Variants in TRIM67 observed in about 807,000 individuals in gnomAD.
The protein encoded by TRIM67 is tripartite motif containing 67, also known as tripartite motif-containing protein 67.
Under a neutral mutation model 71.0 loss-of-function variants are expected in TRIM67, and 39 were observed. The observed-to-expected ratio is 0.55, with a 90% CI of 0.43 to 0.72. The LOEUF is 0.72. Ranked by LOEUF, TRIM67 falls within the 30% of genes least tolerant of loss-of-function variation. The pLI is 0.00. For missense variants in TRIM67, 973 were observed against 1,079.2 expected, an observed-to-expected ratio of 0.90 and a Z score of 1.38; for synonymous variants, 481 against 473.9, an observed-to-expected ratio of 1.01 and a Z score of -0.19.
chr1:231,201,629 G>A, intron 5 of TRIM67, 112 bp downstream of exon 5: 3 of 1,344,654 alleles, frequency 2.2e-6, no homozygotes, highest in South Asian at 1.5e-5. Flanking sequence ...GTGTGGCAGG[G>A]TGGGAGAGCA....
chr1:231,169,368 C>CTTTTTTTTT (rs775082418), intron 1 of TRIM67, among the ~76,000 whole-genome samples: 7 of 81,656 alleles, frequency 8.6e-5, no homozygotes, highest in Non-Finnish European at 1.4e-4. Context: ...ATTCTTTTCT[C>CTTTTTTTTT]TTTTTTTTTT....
chr1:231,178,113 T>C (rs1406869), intron 1 of TRIM67, among the ~76,000 whole-genome samples: 79,211 of 151,990 alleles, frequency 0.52, 23,880 homozygotes, highest in African/African-American at 0.83. Context: ...CATGGCTCTC[T>C]CCTCCCTCCT....
chr1:231,164,041 G>T (rs562515626), intron 1 of TRIM67, 28 bp downstream of exon 1: 1 of 1,472,352 alleles, frequency 6.8e-7, no homozygotes, highest in Non-Finnish European at 9.1e-7. Context: ...GGGAGTGCAG[G>T]TGCCAGGGAA....
chr1:231,191,270 G>T (rs975062776), intron 1 of TRIM67, among the ~76,000 whole-genome samples: 1 of 152,178 alleles, frequency 6.6e-6, no homozygotes, highest in African/African-American at 2.4e-5. Context: ...TTGCTGTGTT[G>T]CTTAGGCTAG....
At chr1:231,206,534 A>G (rs1683702788) in intron 6 of TRIM67, 118 bp from the exon 7 acceptor site, 2 of 1,016,032 alleles carry the variant, frequency 2.0e-6, no homozygotes, top group Non-Finnish European at 2.7e-6. Context: ...CTTCCTGAGT[A>G]GCTGGGACTA....
At chr1:231,169,993 C>CTTTTTTTTTTTTTTT (rs369558747) in intron 1 of TRIM67, among the ~76,000 whole-genome samples, 46 of 136,100 alleles carry the variant, frequency 3.4e-4, no homozygotes, top group African/African-American at 9.7e-4. Flanking sequence ...TTCTTTCTCT[C>CTTTTTTTTTTTTTTT]TTTTTTTTTT....
chr1:231,211,379 G>A (rs1558308213), intron 8 of TRIM67, among the ~76,000 whole-genome samples: 1 of 152,024 alleles, frequency 6.6e-6, no homozygotes, highest in African/African-American at 2.4e-5. Flanking sequence ...GATCGGGTAG[G>A]GTAAGCGCTA....
At chr1:231,174,858 T>C (rs1168235983) in intron 1 of TRIM67, among the ~76,000 whole-genome samples, 2 of 152,200 alleles carry the variant, frequency 1.3e-5, no homozygotes, top group Admixed American at 6.5e-5. Context: ...TTGAAACTAA[T>C]AAATGCATAA....
At chr1:231,212,798 C>A (rs566979598) in intron 8 of TRIM67, among the ~76,000 whole-genome samples, 3 of 152,156 alleles carry the variant, frequency 2.0e-5, no homozygotes, top group South Asian at 2.1e-4. Flanking sequence ...CCAAGCCCCC[C>A]CTTGGGAGCA....
intron 1 of TRIM67, among the ~76,000 whole-genome samples, chr1:231,188,447 C>G (rs1056464141): frequency 3.3e-5 from 5 of 152,180 alleles, no homozygotes; most frequent in African/African-American, 9.7e-5. Flanking sequence ...GGACAAGGGT[C>G]CCCTGGAGAA....
chr1:231,207,502 C>T (rs970934537), intron 7 of TRIM67, among the ~76,000 whole-genome samples: 1 of 152,204 alleles, frequency 6.6e-6, no homozygotes, highest in African/African-American at 2.4e-5. Flanking sequence ...GAGTTCTGCT[C>T]CCCCAGGTGT....
chr1:231,165,806 T>G (rs566107138), intron 1 of TRIM67, among the ~76,000 whole-genome samples: 3 of 152,324 alleles, frequency 2.0e-5, no homozygotes, highest in African/African-American at 7.2e-5. Context: ...AAGTACAGAT[T>G]CCAAATCTCA....
At chr1:231,178,419 C>A (rs1195078600) in intron 1 of TRIM67, among the ~76,000 whole-genome samples, 1 of 152,206 alleles carries the variant, frequency 6.6e-6, no homozygotes, top group Non-Finnish European at 1.5e-5. Flanking sequence ...ACAGTGTACA[C>A]CACATGTGCG....
intron 1 of TRIM67, among the ~76,000 whole-genome samples, chr1:231,166,157 A>G (rs2236064): frequency 0.057 from 8,611 of 152,300 alleles, 462 homozygotes; most frequent in East Asian, 0.26. Flanking sequence ...TGGGCAGTGT[A>G]AACTGTGGGA....
intron 1 of TRIM67, among the ~76,000 whole-genome samples, chr1:231,172,871 C>T (rs974018332): frequency 6.6e-6 from 1 of 152,228 alleles, no homozygotes; most frequent in Non-Finnish European, 1.5e-5. Flanking sequence ...TTCTCTCACT[C>T]GATAAATTAT....
rs1368203851 is a variant in TRIM67 at position 231,162,709 on chromosome 1, G to A, written c.-261G>A. ...GGGCAGCCGACCGGCTCCGGAATCT[G>A]GCCGCAGGTTGAAGCCGCTGGTGCG... On this transcript the variant is annotated 5_prime_UTR_variant, in exon 1 of 10. Transcript: ENST00000366653. 3 of 486,336 alleles carry A rather than the reference G, an allele frequency of 6.2e-6. No individual in the cohort carries two copies. The East Asian group carries it at 1.1e-4, about 19-fold the overall frequency. 30.1% of individuals were successfully genotyped at this position (486,336 alleles called of 1,614,324 possible).
intron 1 of TRIM67, among the ~76,000 whole-genome samples, chr1:231,175,100 G>C (rs1466359387): frequency 2.0e-5 from 3 of 152,226 alleles, no homozygotes; most frequent in Non-Finnish European, 4.4e-5. Context: ...GGTGCAGACA[G>C]TGCAGCCATT....
chr1:231,163,013 G>A lies in TRIM67; in HGVS notation c.44G>A (p.Arg15Gln). 2 of 1,612,780 alleles carry A rather than the reference G, an allele frequency of 1.2e-6. No homozygotes were observed. Among genetic ancestry groups the A allele is most frequent in the Non-Finnish European group, 1.7e-6 (2 of 1,179,396 alleles). ...LKCPVCGSLFREPIILPCSHN... is the reference protein window; with the variant it reads ...LKCPVCGSLFQEPIILPCSHN... ...TGTCCCGTGTGCGGCTCTCTGTTTC[G>A]GGAGCCTATCATCCTGCCCTGTTCC... Residue 15 changes from arginine to glutamine, a missense_variant, in exon 1 of 10, where the codon CGG becomes CAG. Arg to Gln is a conservative substitution (Grantham distance 43). Coordinates refer to ENST00000366653, the MANE Select transcript of TRIM67 (RefSeq NM_001004342.5).
intron 1 of TRIM67, among the ~76,000 whole-genome samples, chr1:231,168,847 TG>T (rs1266202929): frequency 6.6e-6 from 1 of 152,146 alleles, no homozygotes; most frequent in Non-Finnish European, 1.5e-5. Flanking sequence ...TAGGGTTGGA[TG>T]GGCAAAAAGA....
Sources: allele counts gnomAD v4.1 joint callset (sites outside exome capture counted in the v4.1 genomes callset), GRCh38; gene constraint gnomAD v4.1.1; transcripts MANE v1.5; gene names NCBI Gene and HGNC (gene_info 2026-07-23, HGNC 2026-07-21).